MTA3: variants seen among roughly 807,000 people sequenced by gnomAD.
The protein encoded by MTA3 is metastasis-associated protein MTA3.
A neutral mutation model predicts 83.5 loss-of-function variants in MTA3; 34 were observed. That is an observed-to-expected ratio of 0.41 (90% CI 0.31 to 0.54). MTA3 has a LOEUF of 0.54. MTA3 is among the 20% of genes least tolerant of loss of function. The pLI is 0.33. For synonymous variants in MTA3, 303 were observed against 252.7 expected, an observed-to-expected ratio of 1.20 and a Z score of -1.89; for missense variants, 761 against 726.4, an observed-to-expected ratio of 1.05 and a Z score of -0.55.
chr2:42,630,719 G>A (rs1448755389), intron 4 of MTA3, among the ~76,000 whole-genome samples: 1 of 152,010 alleles, frequency 6.6e-6, no homozygotes, highest in African/African-American at 2.4e-5. Flanking sequence ...TTGTGCCTAG[G>A]ACATTTTAGT....
intron 2 of MTA3, among the ~76,000 whole-genome samples, chr2:42,519,197 C>T (rs1343352261): frequency 2.6e-5 from 4 of 151,970 alleles, no homozygotes; most frequent in Non-Finnish European, 5.9e-5. Flanking sequence ...TGGTCTTCCC[C>T]CTAAAATCTC....
chr2:42,563,776 A>ATTCCCTCCTTCCTTCC (rs1677772585), upstream of MTA3, among the ~76,000 whole-genome samples: 2 of 114,378 alleles, frequency 1.7e-5, no homozygotes, highest in Non-Finnish European at 1.8e-5. Flanking sequence ...TGGACCAAAC[A>ATTCCCTCCTTCCTTCC]TTCCTTCCTT....
chr2:42,597,375 CT>C (rs35943826), intron 3 of MTA3, among the ~76,000 whole-genome samples: 4,486 of 108,442 alleles, frequency 0.041, 78 homozygotes, highest in Middle Eastern at 0.065. Flanking sequence ...GACAAGTTAT[CT>C]TTTTTTTTTT....
At chr2:42,718,719 C>G (rs922990662) in intron 14 of MTA3, among the ~76,000 whole-genome samples, 1 of 151,984 alleles carries the variant, frequency 6.6e-6, no homozygotes, top group Non-Finnish European at 1.5e-5. Flanking sequence ...GCTGAGAGCA[C>G]GCTATTGTAC....
intron 13 of MTA3, 118 bp from the exon 14 acceptor site, chr2:42,708,756 G>A (rs1573708917): frequency 2.3e-5 from 25 of 1,064,062 alleles, no homozygotes; most frequent in South Asian, 3.0e-5. Flanking sequence ...ACCAAGTGAC[G>A]TTATAGATGC....
intron 2 of MTA3, among the ~76,000 whole-genome samples, chr2:42,510,395 T>C (rs905766886): frequency 4.0e-5 from 6 of 151,780 alleles, no homozygotes; most frequent in Non-Finnish European, 8.8e-5. Flanking sequence ...CTGTTATTCC[T>C]TACTCAGCAG....
At chr2:42,549,826 C>T (rs1489642071) in intron 2 of MTA3, among the ~76,000 whole-genome samples, 4 of 149,216 alleles carry the variant, frequency 2.7e-5, no homozygotes, top group South Asian at 2.1e-4. Flanking sequence ...CACCCAACTC[C>T]GTCCCACTGT....
intron 14 of MTA3, among the ~76,000 whole-genome samples, chr2:42,712,286 TCATC>T (rs1332311380): frequency 6.6e-6 from 1 of 152,160 alleles, no homozygotes; most frequent in Non-Finnish European, 1.5e-5. Flanking sequence ...TTACCACTCT[TCATC>T]CATATATAGG....
intron 2 of MTA3, among the ~76,000 whole-genome samples, chr2:42,562,238 A>G (rs1423979192): frequency 1.3e-5 from 2 of 152,084 alleles, no homozygotes; most frequent in Admixed American, 6.6e-5. Flanking sequence ...TTATATCTGC[A>G]AACACACTTT....
intron 2 of MTA3, among the ~76,000 whole-genome samples, chr2:42,574,805 CA>C (rs1678870867): frequency 6.6e-6 from 1 of 152,182 alleles, no homozygotes; most frequent in South Asian, 2.1e-4. Context: ...AGCAGTCCCC[CA>C]TCTTGGTCTC....
upstream of MTA3, among the ~76,000 whole-genome samples, chr2:42,565,891 C>T (rs1677889455): frequency 6.6e-6 from 1 of 152,116 alleles, no homozygotes; most frequent in Non-Finnish European, 1.5e-5. Context: ...GTAGTCCCAG[C>T]TGCTTGGGAG....
intron 8 of MTA3, among the ~76,000 whole-genome samples, chr2:42,679,508 G>A (rs1332782178): frequency 5.9e-5 from 9 of 152,206 alleles, no homozygotes; most frequent in Non-Finnish European, 1.2e-4. Flanking sequence ...GAAGGAAAAC[G>A]TGGTGTCAGA....
At chr2:42,642,911 C>CTGG (rs1245972885) in intron 5 of MTA3, among the ~76,000 whole-genome samples, 1 of 152,052 alleles carries the variant, frequency 6.6e-6, no homozygotes, top group African/African-American at 2.4e-5. Context: ...TCCCAAAGTG[C>CTGG]TGGGATTATA....
At chr2:42,623,534 C>G (rs549598876) in intron 4 of MTA3, among the ~76,000 whole-genome samples, 107 of 152,258 alleles carry the variant, frequency 7.0e-4, no homozygotes, top group African/African-American at 2.4e-3. Context: ...GTGGCCACAG[C>G]AGGGGAAATG....
chr2:42,634,170 T>G (rs767443914), intron 4 of MTA3, among the ~76,000 whole-genome samples: 1 of 152,132 alleles, frequency 6.6e-6, no homozygotes, highest in Non-Finnish European at 1.5e-5. Flanking sequence ...GCCCAAAATG[T>G]CCACCAGTGG....
At chr2:42,608,884 G>GA (rs939661027) in intron 3 of MTA3, among the ~76,000 whole-genome samples, 4 of 151,320 alleles carry the variant, frequency 2.6e-5, no homozygotes, top group African/African-American at 4.9e-5. Context: ...CTCTATCTCC[G>GA]AAAAAAAAGT....
Position 42,704,179 on chromosome 2 carries a change from T to A in MTA3, c.1026-15T>A. 1 of 1,612,576 alleles carries A rather than the reference T, an allele frequency of 6.2e-7. No individual in the cohort carries two copies. Among genetic ancestry groups the A allele is most frequent in the Non-Finnish European group, 8.5e-7 (1 of 1,179,100 alleles). On this transcript the variant is annotated splice_polypyrimidine_tract_variant and intron_variant, in intron 11 of 16. Coordinates refer to ENST00000405094, the MANE Select transcript of MTA3 (RefSeq NM_001330442.2). The stretch of plus-strand genomic sequence containing the variant: ...TACAAATCATTTTATCACCTTATTT[T>A]AATTTCATTGAAAGCAGCAAACCAA...
At chr2:42,531,914 A>G (rs1675997379) in intron 2 of MTA3, among the ~76,000 whole-genome samples, 2 of 151,900 alleles carry the variant, frequency 1.3e-5, no homozygotes, top group Non-Finnish European at 2.9e-5. Context: ...CTGCCACCAC[A>G]CCCAGCTAAT....
intron 8 of MTA3, among the ~76,000 whole-genome samples, chr2:42,675,645 A>G (rs1691277581): frequency 6.6e-6 from 1 of 152,010 alleles, no homozygotes; most frequent in African/African-American, 2.4e-5. Flanking sequence ...TCTAACAATC[A>G]ATTAGTTGTT....
Sources: allele counts gnomAD v4.1 joint callset (sites outside exome capture counted in the v4.1 genomes callset), GRCh38; gene constraint gnomAD v4.1.1; transcripts MANE v1.5; gene names NCBI Gene and HGNC (gene_info 2026-07-23, HGNC 2026-07-21).